NPHP4: variants seen among roughly 807,000 people sequenced by gnomAD.
NPHP4 encodes the protein nephrocystin 4, also known as nephrocystin-4.
Under a neutral mutation model 155.8 loss-of-function variants are expected in NPHP4, and 151 were observed. That is an observed-to-expected ratio of 0.97 (90% confidence interval 0.85 to 1.11). The LOEUF is 1.11. NPHP4 is among the 50% of genes least tolerant of loss of function. The pLI, the probability that NPHP4 is intolerant of heterozygous loss-of-function variation, is 0.00. For synonymous variants in NPHP4, 845 were observed against 816.8 expected, an observed-to-expected ratio of 1.03 and a Z score of -0.59; for missense variants, 1,956 against 1,925.7, an observed-to-expected ratio of 1.02 and a Z score of -0.29.
At position 5,863,968 on chromosome 1, in the gene NPHP4, G is replaced by A; in HGVS notation, c.4062C>T (p.Asn1354=). 2 of 1,613,820 alleles carry A rather than the reference G, an allele frequency of 1.2e-6. No homozygotes were observed. Among genetic ancestry groups the A allele is most frequent in the Non-Finnish European group, 8.5e-7 (1 of 1,179,770 alleles). The change falls in exon 29 of 30, where the codon AAC becomes AAT. Residue 1354 remains asparagine (N), a synonymous_variant. Transcript: ENST00000378156. ...GGAATGTCCTCCGGGAGGGGTAGGG[G>A]TTGGTGTAGGTGATCCTCTTGTTGA... ...KGVNKRITYT[N]PYPSRRTFHL...
chr1:5,984,358 C>T (rs1300141547), intron 2 of NPHP4, among the ~76,000 whole-genome samples: 1 of 151,978 alleles, frequency 6.6e-6, no homozygotes, highest in Non-Finnish European at 1.5e-5. Context: ...CATGGTGAAA[C>T]CCCGACTCTA....
Position 5,910,367 on chromosome 1 carries a change from C to A in NPHP4, c.1442-1154G>T, listed in dbSNP as rs1415565940. 6.6e-6 allele frequency among the ~76,000 whole-genome samples: 1 copy of A among 152,146 alleles called. No homozygotes were observed. The highest frequency in any genetic ancestry group is 2.4e-5 in the African/African-American group (1 of 41,414). On this transcript the variant is annotated intron_variant, in intron 11 of 29. Coordinates refer to ENST00000378156, the MANE Select transcript of NPHP4 (RefSeq NM_015102.5). This position sits in a 1 kb window ranked among gnomAD's most constrained non-coding sequence, Gnocchi z 5.4. ...ACTCCCCATCGGACTTCCAGGATAACCCAGACCTCCGGAGAAATCAGGCTT... is the reference window on the plus strand; with the variant it reads ...ACTCCCCATCGGACTTCCAGGATAAACCAGACCTCCGGAGAAATCAGGCTT...
chr1:5,960,564 T>G (rs1192421772), intron 6 of NPHP4, among the ~76,000 whole-genome samples: 1 of 152,080 alleles, frequency 6.6e-6, no homozygotes, highest in South Asian at 2.1e-4. Flanking sequence ...CTGCTCTTCC[T>G]GGAACCCAGC....
chr1:5,988,730 G>A lies in NPHP4; in HGVS notation c.-38-2403C>T, dbSNP rs559081942. ...GTGGGAACCGAGAGGACATGACCAG[G>A]CAGCCTGAGAGGGGCCTTGGCCCAG... On this transcript the variant is annotated intron_variant, in intron 1 of 29. Transcript: ENST00000378156. 1.2e-4 allele frequency among the ~76,000 whole-genome samples: 18 copies of A among 151,704 alleles called. No homozygotes were observed. The South Asian group carries it at 3.7e-3, about 31-fold the overall frequency.
At chr1:5,880,569 C>T (rs1643177406) in intron 18 of NPHP4, 4 of 345,108 alleles carry the variant, frequency 1.2e-5, no homozygotes, top group South Asian at 1.2e-4. Context: ...GGCTGCCTCA[C>T]AAACTCTAAC....
chr1:5,888,232 G>T, intron 17 of NPHP4: 1 of 647,628 alleles, frequency 1.5e-6, no homozygotes, highest in Non-Finnish European at 1.9e-6. Flanking sequence ...CAGATTCCAC[G>T]GCTCAGCACT....
Position 5,933,171 on chromosome 1 carries a change from G to A in NPHP4, c.1278C>T (p.Pro426=), listed in dbSNP as rs753186961. ...CCTCTTCAGAGCTCATGCTGGCTGAGGGTACCTTGTAGACCAGACAGTGCG... is the reference window on the plus strand; with the variant it reads ...CCTCTTCAGAGCTCATGCTGGCTGAAGGTACCTTGTAGACCAGACAGTGCG... ...NPSHCLVYKV[P]SASMSSEEVK... Residue 426 remains proline (P), a synonymous_variant, in exon 10 of 30, where the codon CCC becomes CCT. Transcript: ENST00000378156. 1 of 1,598,866 alleles carries A rather than the reference G, an allele frequency of 6.3e-7. No individual in the cohort carries two copies. The highest frequency in any genetic ancestry group is 1.3e-5 in the African/African-American group (1 of 74,752).
chr1:5,898,214 G>A (rs141667882), intron 16 of NPHP4, among the ~76,000 whole-genome samples: 1 of 152,224 alleles, frequency 6.6e-6, no homozygotes, highest in Non-Finnish European at 1.5e-5. Flanking sequence ...ACACCAGGAG[G>A]AACATGTTAG....
At chr1:5,895,658 C>G (rs755521634) in intron 16 of NPHP4, among the ~76,000 whole-genome samples, 2 of 152,214 alleles carry the variant, frequency 1.3e-5, no homozygotes, top group Non-Finnish European at 2.9e-5. Context: ...CAGCGGCACC[C>G]GAGAGAGGGT....
At chr1:5,977,535 C>T (rs1334841103) in intron 3 of NPHP4, among the ~76,000 whole-genome samples, 4 of 152,024 alleles carry the variant, frequency 2.6e-5, no homozygotes, top group Admixed American at 2.0e-4. Context: ...CTGTTACCTG[C>T]TCAGTGCGTC....
chr1:5,980,277 G>A (rs887173768), intron 2 of NPHP4, among the ~76,000 whole-genome samples: 4 of 152,154 alleles, frequency 2.6e-5, no homozygotes, highest in African/African-American at 9.7e-5. Context: ...TAACAGACAG[G>A]GTCTCAGCTG....
chr1:5,947,158 C>G lies in NPHP4; in HGVS notation c.1065G>C (p.Ala355=), dbSNP rs562484051. The G allele has an allele frequency of 6.2e-7, 1 of 1,613,980 alleles. No individual in the cohort carries two copies. Among genetic ancestry groups the G allele is most frequent in the East Asian group, 2.2e-5 (1 of 44,882 alleles). ...LPEMVGHPAF[A]VIFQLEYVFS... is the part of the protein sequence containing the mutation. ...ACACGTACTCCAGCTGGAAGATGACCGCAAATGCAGGGTGGCCGACCATCT... is the reference window on the plus strand; with the variant it reads ...ACACGTACTCCAGCTGGAAGATGACGGCAAATGCAGGGTGGCCGACCATCT... Residue 355 remains alanine, a synonymous_variant, in exon 9 of 30, where the codon GCG becomes GCC. Coordinates refer to ENST00000378156, the MANE Select transcript of NPHP4 (RefSeq NM_015102.5).
intron 11 of NPHP4, 137 bp from the exon 12 acceptor site, chr1:5,909,350 G>A (rs543146478): frequency 7.1e-5 from 52 of 729,102 alleles, no homozygotes; most frequent in African/African-American, 6.1e-4. Context: ...GCTGGTTACC[G>A]TTCAGGGGCA....
intron 11 of NPHP4, 87 bp from the exon 12 acceptor site, chr1:5,909,300 C>T: frequency 1.0e-6 from 1 of 1,002,172 alleles, no homozygotes; most frequent in South Asian, 1.4e-5. Flanking sequence ...GCAGTCAGGT[C>T]TCCACAGGCC....
intron 1 of NPHP4, among the ~76,000 whole-genome samples, chr1:5,988,723 T>C (rs780878370): frequency 7.2e-5 from 11 of 151,798 alleles, no homozygotes; most frequent in Non-Finnish European, 1.6e-4. Flanking sequence ...CGAGAGGACA[T>C]GACCAGGCAG....
rs1485639209 is a variant in NPHP4, at chr1:5,944,518, C to T, written c.1119+2586G>A. Among the ~76,000 whole-genome samples the T allele has an allele frequency of 2.0e-5, 3 of 152,224 alleles. No individual in the cohort carries two copies. On this transcript the variant is annotated intron_variant, in intron 9 of 29. Transcript: ENST00000378156. This position sits in a 1 kb window ranked among gnomAD's most constrained non-coding sequence, Gnocchi z 4.3. ...CCAGTTTCACCCGGTGGATGCTTAA[C>T]CCACTTCCAATGGTTCCGCACAGGA...
intron 5 of NPHP4, among the ~76,000 whole-genome samples, chr1:5,964,355 G>A (rs1650944694): frequency 6.6e-6 from 1 of 152,180 alleles, no homozygotes; most frequent in South Asian, 2.1e-4. Context: ...CCAGATGGCA[G>A]GGATGCCACC....
At position 5,877,306 on chromosome 1, in the gene NPHP4, AG is replaced by A; in HGVS notation, c.2612-9del. On this transcript the variant is annotated splice_polypyrimidine_tract_variant and intron_variant, in intron 19 of 29. Coordinates refer to ENST00000378156, the MANE Select transcript of NPHP4 (RefSeq NM_015102.5). ...CTTGCACCACGTGTTTTCCTGCGAA[AG>A]GGTCAGAGCGCGAGTCAGGTAGACG... 1 of 1,585,642 alleles carries A rather than the reference AG, an allele frequency of 6.3e-7. No homozygotes were observed. Among genetic ancestry groups the A allele is most frequent in the South Asian group, 1.1e-5 (1 of 88,484 alleles).
chr1:5,963,278 C>G (rs896954144), intron 5 of NPHP4, among the ~76,000 whole-genome samples: 2 of 151,996 alleles, frequency 1.3e-5, no homozygotes, highest in Non-Finnish European at 2.9e-5. Flanking sequence ...GCCTGTAATC[C>G]CAGTGACTTG....
Sources: gnomAD v4.1 joint callset for allele counts (sites outside exome capture counted in the v4.1 genomes callset) on GRCh38, gnomAD v4.1.1 for gene constraint, Gnocchi (gnomAD v3.1) non-coding constraint, MANE v1.5 for transcripts, NCBI Gene and HGNC (gene_info 2026-07-23, HGNC 2026-07-21) for gene names.